PACRG: variants seen among roughly 807,000 people sequenced by gnomAD.
PACRG encodes the protein parkin coregulated.
A neutral mutation model predicts 29.7 loss-of-function variants in PACRG; 29 were observed. The ratio of observed to expected loss-of-function variants is 0.98; its 90% CI spans 0.73 to 1.33. The LOEUF is 1.33. PACRG is among the 40% of genes most tolerant of loss of function. The pLI, the probability that PACRG is intolerant of heterozygous loss-of-function variation, is 0.00. For missense variants in PACRG, 279 were observed against 316.2 expected (o/e 0.88, Z 0.89); for synonymous variants, 116 against 118.7 (o/e 0.98, Z 0.15).
intron 2 of PACRG, among the ~76,000 whole-genome samples, chr6:162,958,431 A>G (rs1367648192): frequency 6.6e-6 from 1 of 152,168 alleles, no homozygotes; most frequent in Non-Finnish European, 1.5e-5. Context: ...ATTCCCAAGC[A>G]TACCAGACAT....
intron 4 of PACRG, among the ~76,000 whole-genome samples, chr6:163,135,677 A>G (rs1399395159): frequency 6.6e-6 from 1 of 152,228 alleles, no homozygotes; most frequent in Non-Finnish European, 1.5e-5. Context: ...CTAGAAGTAG[A>G]AATGCTGGGC....
At chr6:162,747,357 TATATATACACATAC>T (rs1460581910) in intron 1 of PACRG, among the ~76,000 whole-genome samples, 1,009 of 68,272 alleles carry the variant, frequency 0.015, 39 homozygotes, top group African/African-American at 0.033. Flanking sequence ...TATATATATA[TATATATACACATAC>T]ATATATATGT....
intron 2 of PACRG, among the ~76,000 whole-genome samples, chr6:162,869,767 T>C: frequency 6.6e-6 from 1 of 152,212 alleles, no homozygotes; most frequent in Non-Finnish European, 1.5e-5. Context: ...AGAATAAAAT[T>C]ACAATTTCAG....
chr6:162,736,441 T>A (rs559232820), intron 1 of PACRG, among the ~76,000 whole-genome samples: 1 of 152,198 alleles, frequency 6.6e-6, no homozygotes, highest in Non-Finnish European at 1.5e-5. Flanking sequence ...GGGAGCAAGA[T>A]AGCTGCGTTT....
At chr6:163,019,165 A>G (rs1305233705) in intron 2 of PACRG, among the ~76,000 whole-genome samples, 2 of 152,154 alleles carry the variant, frequency 1.3e-5, no homozygotes, top group African/African-American at 2.4e-5. Flanking sequence ...TAGAGACATT[A>G]TGATATTTCT....
chr6:162,735,041 C>T (rs1446608761), intron 1 of PACRG, among the ~76,000 whole-genome samples: 1 of 152,292 alleles, frequency 6.6e-6, no homozygotes, highest in East Asian at 1.9e-4. Flanking sequence ...TTGTGAGATT[C>T]ACCCACATTA....
At chr6:162,819,123 C>T (rs902418540) in intron 2 of PACRG, among the ~76,000 whole-genome samples, 3 of 152,118 alleles carry the variant, frequency 2.0e-5, no homozygotes, top group African/African-American at 7.2e-5. Context: ...AATGATATTC[C>T]ATAGCCACCT....
intron 4 of PACRG, among the ~76,000 whole-genome samples, chr6:163,157,571 G>T (rs375410339): frequency 1.2e-4 from 18 of 152,166 alleles, no homozygotes; most frequent in African/African-American, 4.3e-4. Flanking sequence ...GCAGATGAAC[G>T]CACATTAGGC....
In PACRG at chr6:163,096,862, A is replaced by G. The variant is rs535802773; in HGVS notation, c.613+7454A>G. Among the ~76,000 whole-genome samples, 20 of 152,352 alleles carry G rather than the reference A, an allele frequency of 1.3e-4. No individual in the cohort carries two copies. In the South Asian group the frequency reaches 3.3e-3, roughly 25 times the overall value. ...TAAGTTAATATCATAATTAACATCT[A>G]AGATGATTACATATGAAATAAATAT... On this transcript the variant is annotated intron_variant, in intron 4 of 4. Coordinates refer to ENST00000366888, the MANE Select transcript of PACRG (RefSeq NM_001080379.2).
intron 2 of PACRG, among the ~76,000 whole-genome samples, chr6:162,906,840 C>T (rs1203781907): frequency 6.6e-6 from 1 of 152,096 alleles, no homozygotes; most frequent in African/African-American, 2.4e-5. Context: ...AAACAATGAT[C>T]GTATACCTTG....
rs147735209 is a variant in PACRG, at chr6:163,245,432, T to C, written c.614-69395T>C. Among the ~76,000 whole-genome samples the C allele has an allele frequency of 8.6e-3, 1,310 of 152,252 alleles. 8 individuals carry two copies. Among genetic ancestry groups the C allele is most frequent in the Non-Finnish European group, 0.014 (925 of 68,022 alleles). ...AATCAGGGAGGACCCTCACTAAATA[T>C]GGCTTTGTTCATTCAAAAATCGCAC... On this transcript the variant is annotated intron_variant, in intron 4 of 4. Transcript: ENST00000366888.
chr6:162,885,281 A>C (rs1490136110), intron 2 of PACRG, among the ~76,000 whole-genome samples: 1 of 70,690 alleles, frequency 1.4e-5, no homozygotes, highest in South Asian at 4.1e-4. Context: ...TTTTTTAATT[A>C]TTTTTTGAGA....
At position 163,223,572 on chromosome 6, in the gene PACRG, G is replaced by A. The variant is rs1035520533; in HGVS notation, c.614-91255G>A. Among the ~76,000 whole-genome samples, 5 of 152,088 alleles carry A rather than the reference G, an allele frequency of 3.3e-5. No homozygotes were observed. In the East Asian group the frequency reaches 7.7e-4, roughly 23 times the overall value. On this transcript the variant is annotated intron_variant, in intron 4 of 4. Transcript: ENST00000366888. ...TTGCATTCTAATGAGAGTGTTAGACGACTCGACTGTAATGCACAGGAAAAA... is the reference window on the plus strand; with the variant it reads ...TTGCATTCTAATGAGAGTGTTAGACAACTCGACTGTAATGCACAGGAAAAA...
At chr6:163,085,503 C>T (rs1192718989) in intron 3 of PACRG, among the ~76,000 whole-genome samples, 1 of 152,228 alleles carries the variant, frequency 6.6e-6, no homozygotes, top group Non-Finnish European at 1.5e-5. Context: ...CTCTCCAGCA[C>T]TTCCAAACGA....
chr6:163,241,091 G>T (rs59598701), intron 4 of PACRG, among the ~76,000 whole-genome samples: 1 of 152,018 alleles, frequency 6.6e-6, no homozygotes, highest in Non-Finnish European at 1.5e-5. Flanking sequence ...CAGAAAATTG[G>T]TATTTGATAT....
chr6:162,873,941 C>T (rs1220243623), intron 2 of PACRG, among the ~76,000 whole-genome samples: 1 of 152,070 alleles, frequency 6.6e-6, no homozygotes, highest in Admixed American at 6.6e-5. Context: ...ATCTTCTTTT[C>T]AATAAACGAA....
intron 2 of PACRG, among the ~76,000 whole-genome samples, chr6:162,820,966 GA>G (rs200750380): frequency 9.3e-4 from 137 of 147,708 alleles, no homozygotes; most frequent in Middle Eastern, 3.5e-3. Flanking sequence ...CAGAAGTTTT[GA>G]AAAAAAAAAT....
intron 4 of PACRG, among the ~76,000 whole-genome samples, chr6:163,221,696 C>T (rs1042871448): frequency 2.6e-5 from 4 of 152,168 alleles, no homozygotes; most frequent in African/African-American, 9.7e-5. Flanking sequence ...TGTTGTGTCC[C>T]TGCAAGTGTG....
chr6:163,041,939 C>T (rs777910915), intron 2 of PACRG, among the ~76,000 whole-genome samples: 10 of 152,190 alleles, frequency 6.6e-5, no homozygotes, highest in Non-Finnish European at 1.5e-4. Flanking sequence ...GATCTCAGCT[C>T]ACTGCAACTT....
Sources: gnomAD v4.1 joint callset for allele counts (sites outside exome capture counted in the v4.1 genomes callset) on GRCh38, gnomAD v4.1.1 for gene constraint, MANE v1.5 for transcripts, NCBI Gene and HGNC (gene_info 2026-07-23, HGNC 2026-07-21) for gene names.